The following GRHL2 variants were observed in gnomAD, a reference collection of about 807,000 sequenced individuals.
The protein encoded by GRHL2 is grainyhead-like protein 2 homolog.
A neutral mutation model predicts 83.8 loss-of-function variants in GRHL2; 21 were observed. That is an observed-to-expected ratio of 0.25 (90% CI 0.18 to 0.36). The LOEUF (loss-of-function observed/expected upper bound fraction) is 0.36, where lower values mean the gene tolerates loss of function less well. Ranked by LOEUF, GRHL2 falls within the 10% of genes least tolerant of loss-of-function variation. The pLI, the probability that GRHL2 is intolerant of heterozygous loss-of-function variation, is 1.00. For synonymous variants in GRHL2, 280 were observed against 278.9 expected, an observed-to-expected ratio of 1.00 and a Z score of -0.04; for missense variants, 623 against 781.8, an observed-to-expected ratio of 0.80 and a Z score of 2.42.
intron 14 of GRHL2, among the ~76,000 whole-genome samples, chr8:101,651,488 C>T (rs1020386246): frequency 4.6e-5 from 7 of 152,162 alleles, no homozygotes; most frequent in East Asian, 3.8e-4. Context: ...CATTACACTC[C>T]GAGTCTTCCT....
chr8:101,615,660 T>G (rs893981939), intron 8 of GRHL2, among the ~76,000 whole-genome samples: 1 of 152,204 alleles, frequency 6.6e-6, no homozygotes, highest in African/African-American at 2.4e-5. Flanking sequence ...CTGGCCAAGA[T>G]GTTTTTCAGG....
At chr8:101,603,617 G>C (rs1417436986) in intron 8 of GRHL2, among the ~76,000 whole-genome samples, 2 of 152,208 alleles carry the variant, frequency 1.3e-5, no homozygotes, top group Admixed American at 6.5e-5. Context: ...CAGATTTGCA[G>C]TGTCCATTGC....
chr8:101,494,313 T>G (rs1197665654), intron 1 of GRHL2, among the ~76,000 whole-genome samples: 2 of 152,250 alleles, frequency 1.3e-5, no homozygotes, highest in East Asian at 3.9e-4. Flanking sequence ...TAGGCGAACC[T>G]AAGAAAATGC....
chr8:101,568,550 C>T (rs1811761333), intron 4 of GRHL2, among the ~76,000 whole-genome samples: 1 of 152,078 alleles, frequency 6.6e-6, no homozygotes, highest in Non-Finnish European at 1.5e-5. Context: ...AATGATTCAA[C>T]ATAGACTTTC....
chr8:101,585,844 C>G (rs2130270026), intron 7 of GRHL2, among the ~76,000 whole-genome samples: 1 of 152,230 alleles, frequency 6.6e-6, no homozygotes, highest in South Asian at 2.1e-4. Context: ...TTTTCAGTTA[C>G]TGGATACCTG....
the GRHL2 span, among the ~76,000 whole-genome samples, chr8:101,678,407 T>A: frequency 6.6e-6 from 1 of 152,072 alleles, no homozygotes; most frequent in African/African-American, 2.4e-5. Flanking sequence ...CGAGATTATA[T>A]CCCGCACCTG....
intron 7 of GRHL2, among the ~76,000 whole-genome samples, chr8:101,588,279 A>G (rs952125209): frequency 1.3e-5 from 2 of 152,240 alleles, no homozygotes; most frequent in African/African-American, 4.8e-5. Context: ...GGTCAGCATT[A>G]GAACAGTAAA....
intron 8 of GRHL2, among the ~76,000 whole-genome samples, chr8:101,604,779 C>T (rs1812596487): frequency 6.6e-6 from 1 of 152,190 alleles, no homozygotes; most frequent in Non-Finnish European, 1.5e-5. Flanking sequence ...TCACTACCAT[C>T]ACACTAATCA....
chr8:101,636,763 A>G (rs1403357558), intron 11 of GRHL2, 134 bp from the exon 12 acceptor site: 1 of 754,502 alleles, frequency 1.3e-6, no homozygotes, highest in Non-Finnish European at 2.4e-6. Context: ...ACACACACAC[A>G]CACTGTTATT....
chr8:101,502,909 A>C (rs1385079331), intron 1 of GRHL2, among the ~76,000 whole-genome samples: 1 of 151,934 alleles, frequency 6.6e-6, no homozygotes, highest in African/African-American at 2.4e-5. Context: ...ACAGACACCC[A>C]CTGTCAAAAA....
chr8:101,652,388 T>TGTG (rs1813658872), intron 14 of GRHL2, among the ~76,000 whole-genome samples: 2 of 53,392 alleles, frequency 3.7e-5, no homozygotes, highest in African/African-American at 2.5e-4. Context: ...GTGTGTGGTG[T>TGTG]GTGTGTGTGT....
chr8:101,599,013 CACTCTT>C, intron 7 of GRHL2, 38 bp from the exon 8 acceptor site: 1 of 1,326,096 alleles, frequency 7.5e-7, no homozygotes, highest in Non-Finnish European at 1.1e-6. Context: ...GTCACTGAGT[CACTCTT>C]ACTCCTTTAA....
rs536540967 is a variant in GRHL2 at position 101,520,689 on chromosome 8, TA to T, written c.21-22548del. 2.6e-4 allele frequency among the ~76,000 whole-genome samples: 40 copies of T among 152,288 alleles called. 1 individual carries two copies. The South Asian group carries it at 7.5e-3, about 28-fold the overall frequency. On this transcript the variant is annotated intron_variant, in intron 1 of 15. Transcript: ENST00000646743. ...CCCTGTGCACTTAGCATACAAAATG[TA>T]AAATCCTAAAAGTGAATTACTAATC...
intron 1 of GRHL2, among the ~76,000 whole-genome samples, chr8:101,500,851 TAAA>T (rs33923524): frequency 0.024 from 3,636 of 151,400 alleles, 57 homozygotes; most frequent in Middle Eastern, 0.079. Flanking sequence ...CTGGAAATGG[TAAA>T]AAAAAAAAAA....
At chr8:101,634,525 G>T (rs982312475) in intron 11 of GRHL2, among the ~76,000 whole-genome samples, 2 of 152,204 alleles carry the variant, frequency 1.3e-5, no homozygotes, top group Non-Finnish European at 2.9e-5. Flanking sequence ...AATGGATATG[G>T]CTGGTTTCCC....
intron 14 of GRHL2, among the ~76,000 whole-genome samples, chr8:101,659,618 C>G (rs899389424): frequency 6.6e-6 from 1 of 152,230 alleles, no homozygotes; most frequent in Admixed American, 6.5e-5. Flanking sequence ...TCAGAGCCCT[C>G]TGGATGCAGA....
chr8:101,563,261 C>G (rs1811643474), intron 4 of GRHL2, among the ~76,000 whole-genome samples: 1 of 152,164 alleles, frequency 6.6e-6, no homozygotes, highest in South Asian at 2.1e-4. Context: ...CTCAGAGAAG[C>G]CTGGGGCCTT....
chr8:101,592,888 G>C (rs1812316692), intron 7 of GRHL2, among the ~76,000 whole-genome samples: 1 of 152,152 alleles, frequency 6.6e-6, no homozygotes, highest in Non-Finnish European at 1.5e-5. Context: ...TTAACAATGA[G>C]ATTAAGTTCA....
At chr8:101,493,426 TCCCCCCTCC>T (rs1563548086) in intron 1 of GRHL2, among the ~76,000 whole-genome samples, 27 of 142,374 alleles carry the variant, frequency 1.9e-4, no homozygotes, top group Non-Finnish European at 3.7e-4. Flanking sequence ...CCCGCCTTCC[TCCCCCCTCC>T]CCCGCCTCCC....
Sources: gnomAD v4.1 joint callset for allele counts (sites outside exome capture counted in the v4.1 genomes callset) on GRCh38, gnomAD v4.1.1 for gene constraint, MANE v1.5 for transcripts, NCBI Gene and HGNC (gene_info 2026-07-23, HGNC 2026-07-21) for gene names.